ALKAL2: variants seen among roughly 807,000 people sequenced by gnomAD.
ALKAL2 encodes ALK and LTK ligand 2.
Under a neutral mutation model 18.5 loss-of-function variants are expected in ALKAL2, and 8 were observed. That is an observed-to-expected ratio of 0.43 (90% CI 0.25 to 0.78). The LOEUF (loss-of-function observed/expected upper bound fraction) is 0.78. ALKAL2 is among the 30% of genes least tolerant of loss of function. ALKAL2 has a pLI of 0.22. For missense variants in ALKAL2, 241 were observed against 211.2 expected (o/e 1.14, Z -0.88); for synonymous variants, 135 against 95.8 (o/e 1.41, Z -2.39).
intron 1 of ALKAL2, 23 bp from the exon 2 acceptor site, chr2:287,915 G>A (rs973756708): frequency 5.6e-6 from 7 of 1,244,934 alleles, no homozygotes; most frequent in African/African-American, 4.7e-5. Context: ...GGGCGCGGGG[G>A]GCCGGAGAGA....
At position 283,178 on chromosome 2, in the gene ALKAL2, A is replaced by G. The variant is rs779552427; in HGVS notation, c.389-3T>C. ...AAGCCTGGCGCATCTTTTATAGTCTACGGTGAAAATATATCAGACTCTTGT... is the reference window on the plus strand; with the variant it reads ...AAGCCTGGCGCATCTTTTATAGTCTGCGGTGAAAATATATCAGACTCTTGT... On this transcript the variant is annotated splice_polypyrimidine_tract_variant and splice_region_variant and intron_variant, in intron 4 of 5. Coordinates refer to ENST00000403610, the MANE Select transcript of ALKAL2 (RefSeq NM_001002919.3). The G allele has an allele frequency of 3.1e-6, 5 of 1,612,502 alleles. No individual in the cohort carries two copies. The highest frequency in any genetic ancestry group is 3.3e-5 in the Admixed American group (2 of 59,848).
chr2:287,013 C>T (rs987424778), intron 2 of ALKAL2: 6 of 152,292 alleles, frequency 3.9e-5, no homozygotes, highest in African/African-American at 1.4e-4. Context: ...TTACAGCCCT[C>T]TCCATCTTCA....
intron 4 of ALKAL2, among the ~76,000 whole-genome samples, chr2:284,997 A>C (rs1670461321): frequency 1.3e-5 from 2 of 152,158 alleles, no homozygotes; most frequent in Non-Finnish European, 2.9e-5. Context: ...CCAAGAATAT[A>C]AAAACTCTTC....
intron 5 of ALKAL2, among the ~76,000 whole-genome samples, chr2:282,367 T>C (rs774326220): frequency 6.6e-6 from 1 of 152,236 alleles, no homozygotes; most frequent in Non-Finnish European, 1.5e-5. Context: ...AGCCTGTCTT[T>C]CTTGTGCTGG....
At chr2:286,435 C>A in intron 2 of ALKAL2, 92 bp from the exon 3 acceptor site, 1 of 952,044 alleles carries the variant, frequency 1.1e-6, no homozygotes, top group Non-Finnish European at 1.6e-6. Context: ...ATTGGAGCTC[C>A]ATATTAGCCA....
rs996248674 is a variant in ALKAL2, at chr2:288,039, G to C, written c.-84C>G. The C allele has an allele frequency of 7.4e-6, 9 of 1,217,770 alleles. No homozygotes were observed. The Admixed American group carries it at 4.0e-4, about 54-fold the overall frequency. The allele number at this position is 1,217,770 out of a possible 1,614,324, so 75.4% of individuals were successfully genotyped here. A position where few individuals can be genotyped will look rare whatever the true frequency, so the allele number is the denominator to read the frequency against. ...TCCGCGGACCCCGAGGAACAAGCCG[G>C]CAGGTGAGGGAGCCGCGGTCTCCTC... is the stretch of plus-strand genomic sequence containing the variant. On this transcript the variant is annotated 5_prime_UTR_variant, in exon 1 of 6. Coordinates refer to ENST00000403610, the MANE Select transcript of ALKAL2 (RefSeq NM_001002919.3).
At chr2:283,311 A>C in intron 4 of ALKAL2, 136 bp from the exon 5 acceptor site, 1 of 1,445,084 alleles carries the variant, frequency 6.9e-7, no homozygotes, top group Non-Finnish European at 9.1e-7. Context: ...ACGGAGTCTA[A>C]TCTGCAGGCA....
chr2:282,427 T>C (rs1353319023), intron 5 of ALKAL2, among the ~76,000 whole-genome samples: 1 of 152,232 alleles, frequency 6.6e-6, no homozygotes, highest in Non-Finnish European at 1.5e-5. Context: ...ATAGTAAGTA[T>C]AAAATTGGTG....
At chr2:280,181 G>A (rs762898026) in intron 5 of ALKAL2, 29 bp from the exon 6 acceptor site, 6 of 1,613,514 alleles carry the variant, frequency 3.7e-6, no homozygotes, top group Non-Finnish European at 5.1e-6. Context: ...CGTGTGATAT[G>A]ACTATCCACA....
chr2:280,302 G>C (rs978439505), intron 5 of ALKAL2, 150 bp from the exon 6 acceptor site: 1 of 835,090 alleles, frequency 1.2e-6, no homozygotes. Flanking sequence ...TCCAAAAAGT[G>C]TAGTCTATTG....
chr2:283,019 A>G, intron 5 of ALKAL2, 92 bp downstream of exon 5: 2 of 1,312,992 alleles, frequency 1.5e-6, no homozygotes, highest in Non-Finnish European at 2.1e-6. Flanking sequence ...CAGCCAAAGA[A>G]TGAGTGTTCC....
Position 286,315 on chromosome 2 carries a change from C to T in ALKAL2, c.282G>A (p.Lys94=), listed in dbSNP as rs368085143. The change falls in exon 3 of 6, where the codon AAG becomes AAA. Residue 94 remains lysine, a synonymous_variant. Coordinates refer to ENST00000403610, the MANE Select transcript of ALKAL2 (RefSeq NM_001002919.3). ...CTGTAAGGTGTTTTAGAAACTTGTC[C>T]TTCATCCTCAGATCTCGAGGAACAA... The part of the protein sequence containing the change: ...VEIVPRDLRM[K]DKFLKHLTGP... The T allele has an allele frequency of 8.7e-5, 140 of 1,612,478 alleles. No individual in the cohort carries two copies. Among genetic ancestry groups the T allele is most frequent in the Admixed American group, 6.0e-4 (36 of 59,850 alleles).
chr2:287,536 C>G (rs921801575), intron 2 of ALKAL2, 47 bp downstream of exon 2: 39 of 1,292,252 alleles, frequency 3.0e-5, no homozygotes, highest in Non-Finnish European at 3.8e-5. Context: ...AAAGACAATT[C>G]TATTTCCCAG....
In ALKAL2 at chr2:287,864, A is replaced by C; in HGVS notation, c.-29T>G. 1 of 1,263,838 alleles carries C rather than the reference A, an allele frequency of 7.9e-7. No homozygotes were observed. Among genetic ancestry groups the C allele is most frequent in the Non-Finnish European group, 9.9e-7 (1 of 1,010,090 alleles). 78.3% of individuals were successfully genotyped at this position (1,263,838 alleles called of 1,614,324 possible). A position where few individuals can be genotyped will look rare whatever the true frequency, so the allele number is the denominator to read the frequency against. On this transcript the variant is annotated 5_prime_UTR_variant, in exon 2 of 6. Transcript: ENST00000403610. ...GCGCTCGGGGCCGCGGGGCTGGGAGACTCCGACACGCGCCGAGAGCTGGGC... is the reference window on the plus strand; with the variant it reads ...GCGCTCGGGGCCGCGGGGCTGGGAGCCTCCGACACGCGCCGAGAGCTGGGC...
chr2:286,456 C>A, intron 2 of ALKAL2, 113 bp from the exon 3 acceptor site: 1 of 749,812 alleles, frequency 1.3e-6, no homozygotes, highest in Admixed American at 2.8e-5. Context: ...AGTTGCTTTG[C>A]ACAAAATAAA....
chr2:286,501 T>C, intron 2 of ALKAL2, 158 bp from the exon 3 acceptor site: 1 of 584,610 alleles, frequency 1.7e-6, no homozygotes. Context: ...CACACGACAG[T>C]GAAGAAGACT....
rs551133466 is a variant in ALKAL2 at position 287,648 on chromosome 2, C to T, written c.188G>A (p.Gly63Glu). Reference sequence around the variant, plus strand: ...CGCGCGGCCCAGGGCGCAGTCCCGCCCGAGGAGCTGCAGGCCCTTGTGCTC... The same window carrying T: ...CGCGCGGCCCAGGGCGCAGTCCCGCTCGAGGAGCTGCAGGCCCTTGTGCTC... Reference protein sequence around the residue: ...SAEHKGLQLLGRDCALGRAEA... With the variant: ...SAEHKGLQLLERDCALGRAEA... Residue 63 changes from glycine (G) to glutamate (E), a missense_variant, in exon 2 of 6, where the codon GGG becomes GAG. Coordinates refer to ENST00000403610, the MANE Select transcript of ALKAL2 (RefSeq NM_001002919.3). 5.4e-6 allele frequency: 8 copies of T among 1,482,032 alleles called. No homozygotes were observed. The highest frequency in any genetic ancestry group is 5.9e-5 in the East Asian group (2 of 34,028). The allele number at this position is 1,482,032 out of a possible 1,614,324, so 91.8% of individuals were successfully genotyped here.
In ALKAL2 at chr2:287,694, G is replaced by A; in HGVS notation, c.142C>T (p.Leu48=). 1 of 1,479,616 alleles carries A rather than the reference G, an allele frequency of 6.8e-7. No homozygotes were observed. Among genetic ancestry groups the A allele is most frequent in the Non-Finnish European group, 8.9e-7 (1 of 1,121,432 alleles). The allele number at this position is 1,479,616 out of a possible 1,614,324, so 91.7% of individuals were successfully genotyped here. The change falls in exon 2 of 6, where the codon CTG becomes TTG. Residue 48 remains leucine (L), a synonymous_variant. Transcript: ENST00000403610. The part of the protein sequence containing the change: ...LRLVVELVQE[L]RKHHSAEHKG... ...TGCTCCGCCGAGTGGTGCTTCCGCA[G>A]CTCCTGGACGAGTTCCACCACCAGC...
chr2:285,961 T>C, intron 4 of ALKAL2, 162 bp downstream of exon 4: 1 of 602,352 alleles, frequency 1.7e-6, no homozygotes, highest in Non-Finnish European at 2.9e-6. Flanking sequence ...AAGTTAGTTA[T>C]CTTCTGCAAT....
Sources: gnomAD v4.1 joint callset for allele counts (sites outside exome capture counted in the v4.1 genomes callset) on GRCh38, gnomAD v4.1.1 for gene constraint, MANE v1.5 for transcripts, NCBI Gene and HGNC (gene_info 2026-07-23, HGNC 2026-07-21) for gene names.